Variants in ADAM20 observed in about 807,000 individuals in gnomAD.
The protein encoded by ADAM20 is disintegrin and metalloproteinase domain-containing protein 20.
For missense variants in ADAM20, 871 were observed against 883.2 expected (o/e 0.99, Z 0.18); for synonymous variants, 305 against 310.2 (o/e 0.98, Z 0.18).
At chr14:70,576,559 C>A in the ADAM20 span, among the ~76,000 whole-genome samples, 1 of 152,094 alleles carries the variant, frequency 6.6e-6, no homozygotes, top group Non-Finnish European at 1.5e-5. Flanking sequence ...CTCATTCATT[C>A]ATTCATGTAC....
chr14:70,535,056 A>C (rs1883803344), upstream of ADAM20: 1 of 152,254 alleles, frequency 6.6e-6, no homozygotes. Context: ...ACAATTAGTT[A>C]CTACTCAATG....
chr14:70,523,845 C>T lies in ADAM20; in HGVS notation c.913G>A (p.Gly305Ser), dbSNP rs1883515615. The change falls in exon 2 of 2, where the codon GGC becomes AGC. Residue 305 changes from glycine to serine, a missense_variant. Gly to Ser is a moderately conservative substitution (Grantham distance 56). Coordinates refer to ENST00000256389, the MANE Select transcript of ADAM20 (RefSeq NM_003814.5). ...VAHLFIKDTQ[G>S]MKLGVAYVKG... Reference sequence around the variant, plus strand: ...ACATAGGCAACACCAAGCTTCATGCCTTGTGTGTCTTTTATGAAAAGATGT... The same window carrying T: ...ACATAGGCAACACCAAGCTTCATGCTTTGTGTGTCTTTTATGAAAAGATGT... The T allele has an allele frequency of 6.2e-7, 1 of 1,613,824 alleles. No individual in the cohort carries two copies. Among genetic ancestry groups the T allele is most frequent in the Admixed American group, 1.7e-5 (1 of 59,958 alleles).
At chr14:70,567,519 G>A in the ADAM20 span, among the ~76,000 whole-genome samples, 1 of 152,312 alleles carries the variant, frequency 6.6e-6, no homozygotes, top group South Asian at 2.1e-4. Context: ...ATACACTATT[G>A]CAGACACAGC....
the ADAM20 span, among the ~76,000 whole-genome samples, chr14:70,562,784 T>C: frequency 2.6e-5 from 4 of 152,220 alleles, no homozygotes; most frequent in African/African-American, 9.6e-5. Context: ...CTCCTAGTCA[T>C]GCTTCCTGTT....
At chr14:70,574,824 C>CAT in the ADAM20 span, among the ~76,000 whole-genome samples, 12 of 151,664 alleles carry the variant, frequency 7.9e-5, no homozygotes, top group South Asian at 2.1e-4. Context: ...TAAAACGCAG[C>CAT]ATATATATAT....
At chr14:70,569,885 C>CAAAAAAAAAAAAAAA in the ADAM20 span, among the ~76,000 whole-genome samples, 2 of 76,152 alleles carry the variant, frequency 2.6e-5, no homozygotes, top group Non-Finnish European at 5.4e-5. Flanking sequence ...AGAAAACTAA[C>CAAAAAAAAAAAAAAA]AAAAAAAAAA....
At chr14:70,579,235 A>G in the ADAM20 span, among the ~76,000 whole-genome samples, 1 of 152,008 alleles carries the variant, frequency 6.6e-6, no homozygotes, top group East Asian at 1.9e-4. Context: ...TGGGACTTCT[A>G]TTTTTAGATC....
the ADAM20 span, among the ~76,000 whole-genome samples, chr14:70,545,853 G>A: frequency 2.0e-5 from 3 of 152,174 alleles, no homozygotes; most frequent in Middle Eastern, 3.2e-3. Context: ...CCTGCAGTAT[G>A]GATCAAATGG....
chr14:70,532,954 A>G (rs147974495), intron 1 of ADAM20, among the ~76,000 whole-genome samples: 3 of 152,314 alleles, frequency 2.0e-5, no homozygotes, highest in African/African-American at 7.2e-5. Flanking sequence ...CAACATCACT[A>G]ATCATGAGAA....
chr14:70,535,920 T>C (rs866830197), upstream of ADAM20, among the ~76,000 whole-genome samples: 1 of 152,100 alleles, frequency 6.6e-6, no homozygotes, highest in Non-Finnish European at 1.5e-5. Flanking sequence ...GTAAGAGATA[T>C]AAAAGGATAA....
intron 1 of ADAM20, 22 bp from the exon 2 acceptor site, chr14:70,524,955 G>T: frequency 5.9e-6 from 9 of 1,531,112 alleles, no homozygotes; most frequent in Non-Finnish European, 7.9e-6. Flanking sequence ...AGGATGGGGT[G>T]GGTGGGATAG....
At chr14:70,542,066 G>A in the ADAM20 span, among the ~76,000 whole-genome samples, 2 of 152,154 alleles carry the variant, frequency 1.3e-5, no homozygotes, top group East Asian at 3.8e-4. Context: ...TGATCTTTTT[G>A]ATGTTTTGTT....
the ADAM20 span, chr14:70,557,272 T>C: frequency 1.3e-5 from 2 of 152,164 alleles, no homozygotes; most frequent in African/African-American, 2.4e-5. Context: ...AGAAAAGATA[T>C]ATATGAGAAG....
the ADAM20 span, among the ~76,000 whole-genome samples, chr14:70,568,624 G>C: frequency 6.6e-6 from 1 of 152,008 alleles, no homozygotes; most frequent in Non-Finnish European, 1.5e-5. Flanking sequence ...CCAATACAAA[G>C]ACACTAGAAA....
At chr14:70,535,987 G>C (rs1883823517), upstream of ADAM20, among the ~76,000 whole-genome samples, 1 of 152,070 alleles carries the variant, frequency 6.6e-6, no homozygotes, top group Non-Finnish European at 1.5e-5. Context: ...GTAACTGATA[G>C]AACAATTTAA....
At chr14:70,537,554 C>A (rs544181129), upstream of ADAM20, among the ~76,000 whole-genome samples, 1 of 152,322 alleles carries the variant, frequency 6.6e-6, no homozygotes, top group African/African-American at 2.4e-5. Context: ...TGGAAGAAAT[C>A]TTGGGTATGT....
chr14:70,537,708 A>T (rs1883865490), upstream of ADAM20, among the ~76,000 whole-genome samples: 1 of 152,104 alleles, frequency 6.6e-6, no homozygotes, highest in African/African-American at 2.4e-5. Flanking sequence ...CACATTCCTC[A>T]TCCTCTCCAC....
upstream of ADAM20, among the ~76,000 whole-genome samples, chr14:70,539,648 T>C (rs893023044): frequency 6.6e-6 from 1 of 152,234 alleles, no homozygotes; most frequent in African/African-American, 2.4e-5. Flanking sequence ...TTGCTAATCA[T>C]AGGTTATGGA....
chr14:70,567,946 A>G, the ADAM20 span, among the ~76,000 whole-genome samples: 1 of 151,968 alleles, frequency 6.6e-6, no homozygotes, highest in Non-Finnish European at 1.5e-5. Flanking sequence ...CCCCAACAAG[A>G]TTGCTTCCTG....
Sources: allele counts gnomAD v4.1 joint callset (sites outside exome capture counted in the v4.1 genomes callset), GRCh38; gene constraint gnomAD v4.1.1; transcripts MANE v1.5; gene names NCBI Gene and HGNC (gene_info 2026-07-23, HGNC 2026-07-21).